GRIN2A: variants seen among roughly 807,000 people sequenced by gnomAD.
GRIN2A encodes glutamate ionotropic receptor NMDA type subunit 2A, also known as glutamate receptor ionotropic, NMDA 2A.
In GRIN2A, 22 loss-of-function variants were observed where a neutral mutation model predicts 113.4. That is an observed-to-expected ratio of 0.19 (90% CI 0.14 to 0.28). GRIN2A has a LOEUF of 0.28. Among genes scored for constraint, GRIN2A ranks in the 10% least tolerant of loss-of-function variants. The pLI is 1.00. For missense variants in GRIN2A, 1,502 were observed against 1,887.0 expected, an observed-to-expected ratio of 0.80 and a Z score of 3.78; for synonymous variants, 827 against 738.4, an observed-to-expected ratio of 1.12 and a Z score of -1.94.
intron 2 of GRIN2A, among the ~76,000 whole-genome samples, chr16:10,001,325 A>C (rs1027256916): frequency 6.6e-6 from 1 of 152,200 alleles, no homozygotes; most frequent in African/African-American, 2.4e-5. Flanking sequence ...GGGTGCATCT[A>C]TCAGGTAGGA....
At chr16:10,013,490 C>G (rs921139497) in intron 2 of GRIN2A, among the ~76,000 whole-genome samples, 20 of 152,212 alleles carry the variant, frequency 1.3e-4, no homozygotes, top group African/African-American at 4.6e-4. Flanking sequence ...CCTACTCTTC[C>G]CTGCGGGACA....
chr16:10,083,591 T>C (rs2048026133), intron 2 of GRIN2A, among the ~76,000 whole-genome samples: 1 of 152,198 alleles, frequency 6.6e-6, no homozygotes, highest in Non-Finnish European at 1.5e-5. Flanking sequence ...GGACTGAACT[T>C]ACCAAACACG....
At chr16:10,135,389 C>A (rs2049170672) in intron 2 of GRIN2A, among the ~76,000 whole-genome samples, 1 of 152,190 alleles carries the variant, frequency 6.6e-6, no homozygotes, top group Non-Finnish European at 1.5e-5. Flanking sequence ...TTTCTTACTT[C>A]TGAGTCCCCA....
intron 2 of GRIN2A, among the ~76,000 whole-genome samples, chr16:9,983,420 T>G (rs1030852959): frequency 6.6e-6 from 1 of 152,048 alleles, no homozygotes; most frequent in Admixed American, 6.6e-5. Flanking sequence ...TTGCCACGAA[T>G]GACAAGATGT....
chr16:9,795,048 GATGATA>G (rs1390221753), intron 11 of GRIN2A, among the ~76,000 whole-genome samples: 2 of 152,026 alleles, frequency 1.3e-5, no homozygotes, highest in Non-Finnish European at 2.9e-5. Context: ...TGGTGGTGGT[GATGATA>G]ATGATAATAA....
At chr16:10,173,322 C>G (rs1322710454) in intron 2 of GRIN2A, among the ~76,000 whole-genome samples, 1 of 152,244 alleles carries the variant, frequency 6.6e-6, no homozygotes, top group Non-Finnish European at 1.5e-5. Flanking sequence ...CGCATCCAAA[C>G]TCTGGAGCTG....
intron 4 of GRIN2A, among the ~76,000 whole-genome samples, chr16:9,868,946 G>A (rs2043209119): frequency 6.6e-6 from 1 of 152,098 alleles, no homozygotes; most frequent in African/African-American, 2.4e-5. Flanking sequence ...CAGCTGTTCT[G>A]GGAAGCAGCC....
At chr16:10,037,865 T>C (rs1420687933) in intron 2 of GRIN2A, among the ~76,000 whole-genome samples, 1 of 152,136 alleles carries the variant, frequency 6.6e-6, no homozygotes, top group Non-Finnish European at 1.5e-5. Flanking sequence ...GCAATCCTCT[T>C]GTCTCAGCCT....
At chr16:9,999,688 C>G (rs2046288254) in intron 2 of GRIN2A, among the ~76,000 whole-genome samples, 1 of 151,960 alleles carries the variant, frequency 6.6e-6, no homozygotes, top group African/African-American at 2.4e-5. Flanking sequence ...GGGCATACCT[C>G]TTTAACAAAA....
At chr16:9,793,689 T>C (rs1463973034) in intron 11 of GRIN2A, among the ~76,000 whole-genome samples, 1 of 152,222 alleles carries the variant, frequency 6.6e-6, no homozygotes, top group East Asian at 1.9e-4. Flanking sequence ...TTCTTAAAGA[T>C]ACTAGTTATG....
chr16:9,850,888 C>G (rs1223354349), intron 4 of GRIN2A, among the ~76,000 whole-genome samples: 1 of 152,156 alleles, frequency 6.6e-6, no homozygotes. Context: ...TTCACATACA[C>G]GCTGGGAGGA....
At chr16:9,822,201 A>G in intron 10 of GRIN2A, 63 bp downstream of exon 10, 1 of 1,530,390 alleles carries the variant, frequency 6.5e-7, no homozygotes, top group Non-Finnish European at 9.1e-7. Flanking sequence ...GCATGCCGAG[A>G]GTCAATTTCT....
chr16:10,056,704 G>A (rs2047462290), intron 2 of GRIN2A, among the ~76,000 whole-genome samples: 1 of 152,146 alleles, frequency 6.6e-6, no homozygotes. Context: ...TATGGAAACA[G>A]AGACTAGAAT....
At chr16:10,178,517 A>C (rs1179801900) in intron 2 of GRIN2A, among the ~76,000 whole-genome samples, 1 of 152,232 alleles carries the variant, frequency 6.6e-6, no homozygotes, top group Non-Finnish European at 1.5e-5. Context: ...TGAAATTGTC[A>C]GTGGTGGCAG....
At chr16:10,035,323 A>G (rs1009995967) in intron 2 of GRIN2A, among the ~76,000 whole-genome samples, 3 of 151,812 alleles carry the variant, frequency 2.0e-5, no homozygotes, top group Non-Finnish European at 4.4e-5. Flanking sequence ...ACCACTCCCC[A>G]CCCATCCTCA....
intron 2 of GRIN2A, among the ~76,000 whole-genome samples, chr16:10,110,244 T>C (rs529879261): frequency 6.6e-6 from 1 of 152,276 alleles, no homozygotes; most frequent in South Asian, 2.1e-4. Context: ...TTGGCAAATT[T>C]GAAAAGTTGA....
At chr16:9,998,728 TTCTC>T (rs1020618579) in intron 2 of GRIN2A, among the ~76,000 whole-genome samples, 1 of 151,772 alleles carries the variant, frequency 6.6e-6, no homozygotes, top group Non-Finnish European at 1.5e-5. Context: ...AGTCTCACTC[TTCTC>T]TCTCTCTCTC....
rs536889761 is a variant in GRIN2A, at chr16:9,755,483, T to C, written c.*7666A>G. Reference sequence around the variant, plus strand: ...GATGAAAACAGCTGAGAAATTTTTCTCATAGACTAGCACTTAACTTGCATT... The same window carrying C: ...GATGAAAACAGCTGAGAAATTTTTCCCATAGACTAGCACTTAACTTGCATT... On this transcript the variant is annotated 3_prime_UTR_variant, in exon 13 of 13. Coordinates refer to ENST00000330684, the MANE Select transcript of GRIN2A (RefSeq NM_001134407.3). The C allele has an allele frequency of 1.6e-5, 3 of 182,872 alleles. No individual in the cohort carries two copies. Among genetic ancestry groups the C allele is most frequent in the East Asian group, 1.8e-4 (2 of 11,266 alleles). 11.3% of individuals were successfully genotyped at this position (182,872 alleles called of 1,614,324 possible). A position where few individuals can be genotyped will look rare whatever the true frequency, so the allele number is the denominator to read the frequency against.
rs776530090 is a variant in GRIN2A at position 10,180,316 on chromosome 16, G to T, written c.96C>A (p.Pro32=). ...CCAGCATCACCGCAATATTTAGCGC[G>T]GGGGGACCCTTCTCCGCCGCCGCGC... ...APSAAAEKGP[P]ALNIAVMLGH... The change falls in exon 2 of 13, where the codon CCC becomes CCA. Residue 32 remains proline (P), a synonymous_variant. Coordinates refer to ENST00000330684, the MANE Select transcript of GRIN2A (RefSeq NM_001134407.3). The surrounding 1 kb of genome is among the most constrained non-coding windows in gnomAD (Gnocchi z 7.0). 4 of 1,610,758 alleles carry T rather than the reference G, an allele frequency of 2.5e-6. No homozygotes were observed. The African/African-American group carries it at 4.0e-5, about 16-fold the overall frequency.
Sources: allele counts gnomAD v4.1 joint callset (sites outside exome capture counted in the v4.1 genomes callset), GRCh38; gene constraint gnomAD v4.1.1; non-coding constraint Gnocchi (gnomAD v3.1); transcripts MANE v1.5; gene names NCBI Gene and HGNC (gene_info 2026-07-23, HGNC 2026-07-21).